The following PIP5K1C variants were observed in gnomAD, a reference collection of about 807,000 sequenced individuals.
PIP5K1C encodes the protein phosphatidylinositol-4-phosphate 5-kinase type 1 gamma.
Under a neutral mutation model 80.1 loss-of-function variants are expected in PIP5K1C, and 45 were observed. The observed-to-expected ratio is 0.56, with a 90% confidence interval of 0.44 to 0.72. The LOEUF (loss-of-function observed/expected upper bound fraction) is 0.72. Among genes scored for constraint, PIP5K1C ranks in the 30% least tolerant of loss-of-function variants. The pLI, the probability that PIP5K1C is intolerant of heterozygous loss-of-function variation, is 0.00. For missense variants in PIP5K1C, 753 were observed against 954.6 expected (o/e 0.79, Z 2.78); for synonymous variants, 498 against 420.1 (o/e 1.19, Z -2.27).
intron 1 of PIP5K1C, among the ~76,000 whole-genome samples, chr19:3,697,523 C>G (rs572859948): frequency 2.7e-5 from 4 of 149,692 alleles, no homozygotes; most frequent in Non-Finnish European, 5.9e-5. Flanking sequence ...AAGCTGGACC[C>G]GGGAGGACCA....
In PIP5K1C at chr19:3,646,074, G is replaced by C. The variant is rs199956129; in HGVS notation, c.1261-16C>G. On this transcript the variant is annotated splice_polypyrimidine_tract_variant and intron_variant, in intron 10 of 17. Coordinates refer to ENST00000335312, the MANE Select transcript of PIP5K1C (RefSeq NM_012398.3). ...ACACCGTGTCCTGGAAGAGAGTTGGGGGGGGTGCCCGGGGGCAGAGGGTGC... is the reference window on the plus strand; with the variant it reads ...ACACCGTGTCCTGGAAGAGAGTTGGCGGGGGTGCCCGGGGGCAGAGGGTGC... 9 of 1,581,910 alleles carry C rather than the reference G, an allele frequency of 5.7e-6. No individual in the cohort carries two copies. Among genetic ancestry groups the C allele is most frequent in the African/African-American group, 4.0e-5 (3 of 74,270 alleles).
At chr19:3,667,190 GTGGACAC>G (rs2035040362) in intron 2 of PIP5K1C, 125 bp downstream of exon 2, 1 of 760,244 alleles carries the variant, frequency 1.3e-6, no homozygotes, top group East Asian at 2.7e-5. Flanking sequence ...CATCCTGCTT[GTGGACAC>G]TGGACGGCAT....
At chr19:3,691,053 C>A (rs1337404069) in intron 1 of PIP5K1C, among the ~76,000 whole-genome samples, 1 of 152,168 alleles carries the variant, frequency 6.6e-6, no homozygotes, top group African/African-American at 2.4e-5. Context: ...TGTGGCGAGT[C>A]CCTTCGCCTC....
rs553206744 is a variant in PIP5K1C at position 3,683,935 on chromosome 19, C to A, written c.94+16362G>T. 5.2e-4 allele frequency among the ~76,000 whole-genome samples: 77 copies of A among 147,000 alleles called. 1 individual carries two copies. The highest frequency in any genetic ancestry group is 9.1e-4 in the Non-Finnish European group (60 of 66,006). ...CTCCCGGGCAGTCCCACACCCCCCC[C>A]ACGCTGGAGCCCCCGCTTCCTCTCC... On this transcript the variant is annotated intron_variant, in intron 1 of 17. Coordinates refer to ENST00000335312, the MANE Select transcript of PIP5K1C (RefSeq NM_012398.3).
In PIP5K1C at chr19:3,700,303, C is replaced by T. The variant is rs2036257165; in HGVS notation, c.88G>A (p.Ala30Thr). The change falls in exon 1 of 18, where the codon GCG becomes ACG. Residue 30 changes from alanine to threonine, a missense_variant. By Grantham distance (58) the Ala-to-Thr change is moderately conservative. Around this residue, in one of 6 missense-constraint regions of PIP5K1C, gnomAD observed 78 missense variants for 67.1 expected, o/e 1.16. Transcript: ENST00000335312. ...EAAWAAESGA[A>T]AGLAQKKAAP... is the part of the protein sequence containing the mutation. Reference sequence around the variant, plus strand: ...CGGGAGGCCGGGCCGTTACCTGCCGCCGCCCCGCTCTCTGCCGCCCACGCC... The same window carrying T: ...CGGGAGGCCGGGCCGTTACCTGCCGTCGCCCCGCTCTCTGCCGCCCACGCC... 2 of 1,283,012 alleles carry T rather than the reference C, an allele frequency of 1.6e-6. No homozygotes were observed. The highest frequency in any genetic ancestry group is 2.0e-6 in the Non-Finnish European group (2 of 998,654). The allele number at this position is 1,283,012 out of a possible 1,614,324, so 79.5% of individuals were successfully genotyped here. A position where few individuals can be genotyped will look rare whatever the true frequency, so the allele number is the denominator to read the frequency against.
chr19:3,647,214 T>G (rs1477455703), intron 10 of PIP5K1C, 124 bp downstream of exon 10: 41 of 527,298 alleles, frequency 7.8e-5, no homozygotes, highest in African/African-American at 1.9e-4. Context: ...GGAGGAGGGA[T>G]GGGAGGAGGG....
In PIP5K1C at chr19:3,696,124, T is replaced by C. The variant is rs1030000507; in HGVS notation, c.94+4173A>G. 6.6e-6 allele frequency among the ~76,000 whole-genome samples: 1 copy of C among 152,200 alleles called. No individual in the cohort carries two copies. The highest frequency in any genetic ancestry group is 2.4e-5 in the African/African-American group (1 of 41,444). The stretch of plus-strand genomic sequence containing the variant: ...CGGCCGCCCTGTGACCACACTACAC[T>C]GTGCTCCAGGCAGGCGGGGCCTCTG... On this transcript the variant is annotated intron_variant, in intron 1 of 17. Transcript: ENST00000335312. The surrounding 1 kb of genome is among the most constrained non-coding windows in gnomAD (Gnocchi z 4.1).
intron 1 of PIP5K1C, among the ~76,000 whole-genome samples, chr19:3,694,982 G>A (rs922487136): frequency 6.6e-6 from 1 of 152,252 alleles, no homozygotes. Flanking sequence ...CAGCTCTGCC[G>A]CTGCAGCGTG....
chr19:3,653,227 C>T, intron 7 of PIP5K1C, 63 bp downstream of exon 7: 1 of 1,523,824 alleles, frequency 6.6e-7, no homozygotes, highest in Non-Finnish European at 9.0e-7. Flanking sequence ...CCTGCCCAGG[C>T]CGAGCCCTCA....
intron 6 of PIP5K1C, among the ~76,000 whole-genome samples, chr19:3,656,021 CCT>C (rs2034615604): frequency 1.3e-5 from 2 of 152,362 alleles, no homozygotes; most frequent in South Asian, 2.1e-4. Context: ...TCTCTGGAAC[CCT>C]CTGAGTCACC....
chr19:3,694,901 C>T (rs970296794), intron 1 of PIP5K1C, among the ~76,000 whole-genome samples: 10 of 152,232 alleles, frequency 6.6e-5, no homozygotes, highest in Non-Finnish European at 8.8e-5. Context: ...AAACATCTTC[C>T]GTAAAGGACC....
chr19:3,631,658 CG>C lies in PIP5K1C; in HGVS notation c.*1508del, dbSNP rs1263626222. On this transcript the variant is annotated 3_prime_UTR_variant, in exon 18 of 18. Coordinates refer to ENST00000335312, the MANE Select transcript of PIP5K1C (RefSeq NM_012398.3). ...GAGTGTGTGTCCTCGCTGGGGACCT[CG>C]GGGATGGGTCCGGCTTCTCCACAGC... is the stretch of plus-strand genomic sequence containing the variant. The C allele has an allele frequency of 6.6e-6, 1 of 152,258 alleles. No homozygotes were observed. Among genetic ancestry groups the C allele is most frequent in the Non-Finnish European group, 1.5e-5 (1 of 68,128 alleles). The allele number at this position is 152,258 out of a possible 1,614,324, so 9.4% of individuals were successfully genotyped here. A position where few individuals can be genotyped will look rare whatever the true frequency, so the allele number is the denominator to read the frequency against.
chr19:3,637,002 A>C lies in PIP5K1C; in HGVS notation c.1920+1882T>G, dbSNP rs1599919827. The C allele has an allele frequency of 1.9e-6, 2 of 1,034,444 alleles. No individual in the cohort carries two copies. The highest frequency in any genetic ancestry group is 2.3e-6 in the Non-Finnish European group (2 of 860,644). The allele number at this position is 1,034,444 out of a possible 1,614,324, so 64.1% of individuals were successfully genotyped here. A position where few individuals can be genotyped will look rare whatever the true frequency, so the allele number is the denominator to read the frequency against. On this transcript the variant is annotated intron_variant, in intron 16 of 17. Transcript: ENST00000335312. This position sits in a 1 kb window ranked among gnomAD's most constrained non-coding sequence, Gnocchi z 7.0. ...AAACCGTGTGGTCTCCCAGGCTCCC[A>C]GGGGAGCCGAGGCCTCAGCGCCTCC...
At chr19:3,695,809 A>G (rs59584516) in intron 1 of PIP5K1C, among the ~76,000 whole-genome samples, 65,475 of 150,276 alleles carry the variant, frequency 0.44, 15,778 homozygotes, top group African/African-American at 0.65. Flanking sequence ...GTGCAGCCTC[A>G]GCCTCCCAGG....
At chr19:3,638,447 C>T (rs2033800229) in intron 16 of PIP5K1C, among the ~76,000 whole-genome samples, 1 of 152,254 alleles carries the variant, frequency 6.6e-6, no homozygotes, top group Non-Finnish European at 1.5e-5. Context: ...GGGAGAAGGT[C>T]CTGCCGCCAC....
chr19:3,672,061 C>T (rs1009894816), intron 1 of PIP5K1C, among the ~76,000 whole-genome samples: 2 of 152,198 alleles, frequency 1.3e-5, no homozygotes, highest in East Asian at 1.9e-4. Flanking sequence ...CATCACAGGA[C>T]GTGGTGGCGA....
Position 3,648,845 on chromosome 19 carries a change from T to G in PIP5K1C, c.1128-137A>C. On this transcript the variant is annotated intron_variant, in intron 8 of 17. Coordinates refer to ENST00000335312, the MANE Select transcript of PIP5K1C (RefSeq NM_012398.3). This position sits in a 1 kb window ranked among gnomAD's most constrained non-coding sequence, Gnocchi z 4.3. ...TTGGCCAAGCTCTCGGAGTGGGGCCTGGCACCCGGGAACCTCTGTCCTGAC... is the reference window on the plus strand; with the variant it reads ...TTGGCCAAGCTCTCGGAGTGGGGCCGGGCACCCGGGAACCTCTGTCCTGAC... The G allele has an allele frequency of 1.4e-6, 1 of 695,450 alleles. No homozygotes were observed. Among genetic ancestry groups the G allele is most frequent in the South Asian group, 1.7e-5 (1 of 60,048 alleles). 43.1% of individuals were successfully genotyped at this position (695,450 alleles called of 1,614,324 possible).
At chr19:3,664,272 T>C (rs1026615960) in intron 3 of PIP5K1C, among the ~76,000 whole-genome samples, 1 of 152,194 alleles carries the variant, frequency 6.6e-6, no homozygotes, top group Non-Finnish European at 1.5e-5. Flanking sequence ...GATGCAATGT[T>C]CTGGAATTAG....
In PIP5K1C at chr19:3,632,647, G is replaced by A. The variant is rs2033502183; in HGVS notation, c.*520C>T. 1 of 155,896 alleles carries A rather than the reference G, an allele frequency of 6.4e-6. No individual in the cohort carries two copies. The highest frequency in any genetic ancestry group is 1.9e-4 in the South Asian group (1 of 5,160). 9.7% of individuals were successfully genotyped at this position (155,896 alleles called of 1,614,324 possible). On this transcript the variant is annotated 3_prime_UTR_variant, in exon 18 of 18. Coordinates refer to ENST00000335312, the MANE Select transcript of PIP5K1C (RefSeq NM_012398.3). ...CTGAGGCCCCCAAACCCAAGCTGAG[G>A]GCAGGAGGGTCCGCTTCCCACGTGG...
Sources: allele counts gnomAD v4.1 joint callset (sites outside exome capture counted in the v4.1 genomes callset), GRCh38; gene constraint gnomAD v4.1.1; regional missense constraint gnomAD v4.1.1; non-coding constraint Gnocchi (gnomAD v3.1); transcripts MANE v1.5; gene names NCBI Gene and HGNC (gene_info 2026-07-23, HGNC 2026-07-21).